Variants in NRG4 observed in about 807,000 individuals in gnomAD.
The protein encoded by NRG4 is neuregulin 4.
Under a neutral mutation model 15.0 loss-of-function variants are expected in NRG4, and 10 were observed. The observed-to-expected ratio is 0.67, with a 90% confidence interval of 0.41 to 1.13. The LOEUF (loss-of-function observed/expected upper bound fraction) is 1.13, where lower values mean the gene tolerates loss of function less well. Ranked by LOEUF, NRG4 falls within the 50% of genes most tolerant of loss-of-function variation. The pLI is 0.00. For missense variants in NRG4, 139 were observed against 140.2 expected, an observed-to-expected ratio of 0.99 and a Z score of 0.04; for synonymous variants, 41 against 50.1, an observed-to-expected ratio of 0.82 and a Z score of 0.77.
At position 75,941,604 on chromosome 15, in the gene NRG4, C is replaced by T. The variant is rs537568509; in HGVS notation, c.*2034G>A. ...ATTATTCAGCCATAAAAAGGAAATC[C>T]TTCTACATACTACATCATGGATGAA... is the stretch of plus-strand genomic sequence containing the variant. On this transcript the variant is annotated 3_prime_UTR_variant, in exon 6 of 6. Coordinates refer to ENST00000394907, the MANE Select transcript of NRG4 (RefSeq NM_138573.4). 6.6e-6 allele frequency: 1 copy of T among 152,094 alleles called. No homozygotes were observed. Among genetic ancestry groups the T allele is most frequent in the Non-Finnish European group, 1.5e-5 (1 of 68,000 alleles). 9.4% of individuals were successfully genotyped at this position (152,094 alleles called of 1,614,324 possible). A position where few individuals can be genotyped will look rare whatever the true frequency, so the allele number is the denominator to read the frequency against.
chr15:75,968,172 A>G (rs549992766), intron 3 of NRG4, among the ~76,000 whole-genome samples: 35 of 152,328 alleles, frequency 2.3e-4, no homozygotes, highest in African/African-American at 8.4e-4. Context: ...ACAAAACTTT[A>G]TAATTTGTTG....
At chr15:76,043,549 T>C (rs1428926858) in intron 4 of NRG4, among the ~76,000 whole-genome samples, 2 of 152,142 alleles carry the variant, frequency 1.3e-5, no homozygotes, top group Non-Finnish European at 2.9e-5. Context: ...CCATTTACAA[T>C]AGCTACAAAT....
intron 2 of NRG4, chr15:76,056,871 C>T (rs1158105959): frequency 3.9e-5 from 6 of 152,180 alleles, no homozygotes; most frequent in Admixed American, 2.6e-4. Flanking sequence ...CTTGCAGCTA[C>T]ATACATGTAC....
At chr15:75,955,220 C>T (rs138864094) in intron 5 of NRG4, among the ~76,000 whole-genome samples, 1 of 152,240 alleles carries the variant, frequency 6.6e-6, no homozygotes, top group East Asian at 1.9e-4. Flanking sequence ...CTCCTCAGTA[C>T]AATATAGTCA....
In NRG4 at chr15:76,045,675, C is replaced by T. The variant is rs376293010; in HGVS notation, c.-105+6392G>A. Among the ~76,000 whole-genome samples, 33 of 150,796 alleles carry T rather than the reference C, an allele frequency of 2.2e-4. 1 individual carries two copies. Among genetic ancestry groups the T allele is most frequent in the African/African-American group, 8.2e-4 (33 of 40,460 alleles). The stretch of plus-strand genomic sequence containing the variant: ...ACTGTTAAGTGAAATAAGCCAGGCA[C>T]AGAAAAACAAACTTCGCATCTTCTC... On this transcript the variant is annotated intron_variant, in intron 4 of 8. Coordinates refer to the NRG4 transcript ENST00000563910.
In NRG4 at chr15:75,954,011, AATTG is replaced by A. The variant is rs146978516; in HGVS notation, c.331+1917_331+1920del. ...CTTTGTTGAAATTTTTATATGTGTG[AATTG>A]ATTGCTTTTATTAAATCTGCAAAAA... On this transcript the variant is annotated intron_variant, in intron 5 of 5. Transcript: ENST00000394907. 7.5e-3 allele frequency among the ~76,000 whole-genome samples: 1,147 copies of A among 152,106 alleles called. 12 individuals are homozygous for A. Among genetic ancestry groups the A allele is most frequent in the African/African-American group, 0.026 (1,082 of 41,492 alleles).
intron 5 of NRG4, among the ~76,000 whole-genome samples, chr15:76,017,532 G>A (rs906702803): frequency 9.2e-5 from 14 of 152,232 alleles, no homozygotes; most frequent in African/African-American, 3.4e-4. Context: ...AGGCCTGGTG[G>A]TGACAAAATC....
chr15:76,053,032 G>A (rs541866087), intron 2 of NRG4: 4 of 150,904 alleles, frequency 2.7e-5, no homozygotes, highest in South Asian at 2.1e-4. Context: ...GAAAATAATC[G>A]TAGAATCATA....
chr15:75,955,894 A>G, intron 5 of NRG4, 38 bp downstream of exon 5: 1 of 1,156,152 alleles, frequency 8.6e-7, no homozygotes, highest in East Asian at 2.4e-5. Context: ...AGTCTCATCT[A>G]GGGTTTTAAA....
chr15:76,014,059 T>C (rs2034899283), upstream of NRG4, among the ~76,000 whole-genome samples: 1 of 152,202 alleles, frequency 6.6e-6, no homozygotes, highest in African/African-American at 2.4e-5. Context: ...TGGTATCTCA[T>C]TGTGCTTTTT....
At chr15:76,000,106 A>T (rs1169479359) in intron 3 of NRG4, among the ~76,000 whole-genome samples, 1 of 151,582 alleles carries the variant, frequency 6.6e-6, no homozygotes, top group Non-Finnish European at 1.5e-5. Context: ...CTGGTCTGGA[A>T]CTCCTGACCT....
intron 4 of NRG4, among the ~76,000 whole-genome samples, chr15:76,049,356 CTTCT>C (rs1197532988): frequency 6.6e-6 from 1 of 150,606 alleles, no homozygotes; most frequent in Non-Finnish European, 1.5e-5. Flanking sequence ...TACTCAAATG[CTTCT>C]TTCATTTCCA....
chr15:75,945,328 A>T (rs891041132), intron 5 of NRG4, among the ~76,000 whole-genome samples: 1 of 150,606 alleles, frequency 6.6e-6, no homozygotes, highest in South Asian at 2.1e-4. Flanking sequence ...ATCTCAGCTC[A>T]CTGCAACCTC....
chr15:76,051,196 G>A (rs1021732560), intron 4 of NRG4, among the ~76,000 whole-genome samples: 3 of 148,774 alleles, frequency 2.0e-5, no homozygotes, highest in Non-Finnish European at 4.5e-5. Context: ...TAGTAGAGAC[G>A]GGGTTTCACC....
In NRG4 at chr15:76,001,524, T is replaced by C. The variant is rs555008989; in HGVS notation, c.104+7676A>G. 1.9e-4 allele frequency among the ~76,000 whole-genome samples: 29 copies of C among 152,344 alleles called. No homozygotes were observed. In the South Asian group the frequency reaches 5.8e-3, roughly 31 times the overall value. Reference sequence around the variant, plus strand: ...CACTAGCCACATTTCAAGTGCTCAGTAGCCACACATGGCTCCTGGCTACCA... The same window carrying C: ...CACTAGCCACATTTCAAGTGCTCAGCAGCCACACATGGCTCCTGGCTACCA... On this transcript the variant is annotated intron_variant, in intron 3 of 5. Transcript: ENST00000394907.
At chr15:75,969,855 G>A (rs1180745106) in intron 3 of NRG4, among the ~76,000 whole-genome samples, 3 of 152,118 alleles carry the variant, frequency 2.0e-5, no homozygotes, top group African/African-American at 7.2e-5. Context: ...GTTGTTTTAT[G>A]CATTTTAAAC....
At chr15:75,991,134 G>T (rs1243510303) in intron 3 of NRG4, among the ~76,000 whole-genome samples, 3 of 152,100 alleles carry the variant, frequency 2.0e-5, no homozygotes, top group Non-Finnish European at 4.4e-5. Flanking sequence ...CTCTAAGGCA[G>T]GGGTTAGAAA....
At chr15:76,057,616 G>A (rs115366396) in intron 1 of NRG4, among the ~76,000 whole-genome samples, 4 of 152,040 alleles carry the variant, frequency 2.6e-5, no homozygotes, top group Admixed American at 6.5e-5. Flanking sequence ...TGTGAAGTAA[G>A]ACATCACCAG....
chr15:76,056,691 A>G (rs1202041225), intron 2 of NRG4, among the ~76,000 whole-genome samples: 1 of 152,182 alleles, frequency 6.6e-6, no homozygotes, highest in African/African-American at 2.4e-5. Flanking sequence ...CACATTAACA[A>G]TTTAAGGACT....
Sources: allele counts gnomAD v4.1 joint callset (sites outside exome capture counted in the v4.1 genomes callset), GRCh38; gene constraint gnomAD v4.1.1; transcripts MANE v1.5; gene names NCBI Gene and HGNC (gene_info 2026-07-23, HGNC 2026-07-21).